Variants in PAH observed in about 807,000 individuals in gnomAD.
PAH encodes phenylalanine-4-hydroxylase.
In PAH, 64 loss-of-function variants were observed where a neutral mutation model predicts 62.0. The observed-to-expected ratio is 1.03, with a 90% CI of 0.84 to 1.27. PAH has a LOEUF of 1.27. Ranked by LOEUF, PAH falls within the 50% of genes most tolerant of loss-of-function variation. The probability of loss-of-function intolerance (pLI) is 0.00; values close to 1 mark genes in which losing one functional copy is unlikely to be tolerated. For synonymous variants in PAH, 195 were observed against 196.2 expected, an observed-to-expected ratio of 0.99 and a Z score of 0.05; for missense variants, 579 against 542.8, an observed-to-expected ratio of 1.07 and a Z score of -0.66.
In PAH at chr12:102,897,463, G is replaced by GTATA. The variant is rs1298377232; in HGVS notation, c.169-2546_169-2545insTATA. On this transcript the variant is annotated intron_variant, in intron 2 of 12. Transcript: ENST00000553106. ...AACTCTCATATATATGTGTGTGTGT[G>GTATA]TGTATATATATATATATATATATAT... Among the ~76,000 whole-genome samples, 456 of 105,532 alleles carry GTATA rather than the reference G, an allele frequency of 4.3e-3. 2 individuals carry two copies. The highest frequency in any genetic ancestry group is 0.015 in the African/African-American group (419 of 28,528). The allele number at this position is 105,532 out of a possible 152,430, so 69.2% of individuals were successfully genotyped here.
intron 1 of PAH, among the ~76,000 whole-genome samples, chr12:102,933,335 C>T (rs1878985717): frequency 6.6e-6 from 1 of 152,120 alleles, no homozygotes; most frequent in South Asian, 2.1e-4. Flanking sequence ...GAATAGTACT[C>T]CATTGTGTAT....
chr12:102,955,029 C>T (rs990131220), upstream of PAH, among the ~76,000 whole-genome samples: 2 of 152,140 alleles, frequency 1.3e-5, no homozygotes, highest in African/African-American at 2.4e-5. Context: ...TCAGGGCTGG[C>T]ATAGGGAGAA....
chr12:102,917,530 C>G, upstream of PAH: 1 of 308,934 alleles, frequency 3.2e-6, no homozygotes, highest in Non-Finnish European at 6.3e-6. Context: ...AGCGAGTTCT[C>G]TGCAATTGGA....
At chr12:102,882,270 G>C (rs1160946452) in intron 3 of PAH, among the ~76,000 whole-genome samples, 3 of 152,164 alleles carry the variant, frequency 2.0e-5, no homozygotes, top group Non-Finnish European at 4.4e-5. Context: ...CCCTAGTCCA[G>C]AGTTGGTTTC....
intron 1 of PAH, among the ~76,000 whole-genome samples, chr12:102,927,343 C>G (rs1179135723): frequency 6.6e-6 from 1 of 150,632 alleles, no homozygotes; most frequent in Non-Finnish European, 1.5e-5. Flanking sequence ...CTTCCTTGGC[C>G]CAGATACTGC....
rs570948618 is a variant in PAH at position 102,947,858 on chromosome 12, CTG to C, written c.-96+2729_-96+2730del. On this transcript the variant is annotated intron_variant, in intron 1 of 3. Coordinates refer to the PAH transcript ENST00000546844. ...AGTCCCAAGATCTGCAGTTGACAAA[CTG>C]TGGACCCAGACTACAGTTCCAGTAT... is the stretch of plus-strand genomic sequence containing the variant. 5.1e-4 allele frequency among the ~76,000 whole-genome samples: 78 copies of C among 152,296 alleles called. 2 individuals carry two copies. The highest frequency in any genetic ancestry group is 1.8e-3 in the African/African-American group (73 of 41,560).
At chr12:102,913,187 A>G (rs927929912) in intron 1 of PAH, among the ~76,000 whole-genome samples, 2 of 152,220 alleles carry the variant, frequency 1.3e-5, no homozygotes, top group African/African-American at 4.8e-5. Context: ...TTATTGAGCA[A>G]CTACTAGGTT....
intron 3 of PAH, among the ~76,000 whole-genome samples, chr12:102,891,358 G>C (rs1054180086): frequency 1.3e-5 from 2 of 152,076 alleles, no homozygotes; most frequent in African/African-American, 4.8e-5. Context: ...TTTGCCTTAA[G>C]GCAAGTCACA....
At chr12:102,894,972 C>CA (rs1877442575) in intron 2 of PAH, 54 bp from the exon 3 acceptor site, 2 of 1,310,824 alleles carry the variant, frequency 1.5e-6, no homozygotes, top group Non-Finnish European at 2.2e-6. Flanking sequence ...TAACGCAGGC[C>CA]AAAGATGCAG....
At chr12:102,928,407 T>C (rs1324979667) in intron 1 of PAH, among the ~76,000 whole-genome samples, 2 of 152,164 alleles carry the variant, frequency 1.3e-5, no homozygotes, top group South Asian at 2.1e-4. Flanking sequence ...TGAGATATTG[T>C]AGTCTTCTGG....
chr12:102,854,012 GT>G (rs946027972), intron 6 of PAH, among the ~76,000 whole-genome samples: 1 of 152,150 alleles, frequency 6.6e-6, no homozygotes, highest in Non-Finnish European at 1.5e-5. Flanking sequence ...TAGTATTACT[GT>G]TTTATTATTC....
intron 4 of PAH, among the ~76,000 whole-genome samples, chr12:102,871,761 A>G (rs945143121): frequency 2.6e-5 from 4 of 151,882 alleles, no homozygotes; most frequent in African/African-American, 9.7e-5. Flanking sequence ...TGTCTCTGCT[A>G]AAAATACAAA....
At chr12:102,923,275 C>G (rs779561317) in intron 1 of PAH, among the ~76,000 whole-genome samples, 43 of 152,182 alleles carry the variant, frequency 2.8e-4, no homozygotes, top group Non-Finnish European at 4.9e-4. Context: ...AAGCTCAGCT[C>G]CTCCTTCACA....
chr12:102,922,703 C>T (rs1407478115), intron 1 of PAH, among the ~76,000 whole-genome samples: 1 of 152,104 alleles, frequency 6.6e-6, no homozygotes, highest in East Asian at 1.9e-4. Context: ...TAATGAAGAA[C>T]TTTGTATGTA....
In PAH at chr12:102,839,205, G is replaced by T. The variant is rs1285012083; in HGVS notation, c.1329C>A (p.Ile443=). Residue 443 remains isoleucine, a synonymous_variant, in exon 13 of 13, where the codon ATC becomes ATA. Coordinates refer to ENST00000553106, the MANE Select transcript of PAH (RefSeq NM_000277.3). ...TTATTTTCTGGAGGGCACTGCAAAG[G>T]ATTCCAATTTCACCTACAAAGAAAA... The part of the protein sequence containing the change: ...LADSINSEIG[I]LCSALQKIK 2 of 1,613,884 alleles carry T rather than the reference G, an allele frequency of 1.2e-6. No homozygotes were observed. The highest frequency in any genetic ancestry group is 1.7e-6 in the Non-Finnish European group (2 of 1,179,850).
chr12:102,944,157 G>A (rs569307938), intron 1 of PAH, among the ~76,000 whole-genome samples: 77 of 152,256 alleles, frequency 5.1e-4, no homozygotes, highest in Non-Finnish European at 9.6e-4. Flanking sequence ...TCCGTTGCAC[G>A]TTTTTTGTTT....
chr12:102,954,818 G>T (rs886300247), upstream of PAH, among the ~76,000 whole-genome samples: 3 of 152,210 alleles, frequency 2.0e-5, no homozygotes, highest in South Asian at 6.2e-4. Flanking sequence ...AATCCCCAAG[G>T]ATAGAAATGC....
At chr12:102,939,509 C>T (rs1466659740) in intron 1 of PAH, among the ~76,000 whole-genome samples, 4 of 152,200 alleles carry the variant, frequency 2.6e-5, no homozygotes, top group African/African-American at 9.7e-5. Flanking sequence ...ACCCCTCTGG[C>T]ACTACCACTG....
At chr12:102,867,920 C>CATATATAGATGT (rs1876063048) in intron 4 of PAH, among the ~76,000 whole-genome samples, 1 of 135,592 alleles carries the variant, frequency 7.4e-6, no homozygotes, top group African/African-American at 2.7e-5. Context: ...CATGTATATA[C>CATATATAGATGT]ATATATAGAT....
Sources: gnomAD v4.1 joint callset for allele counts (sites outside exome capture counted in the v4.1 genomes callset) on GRCh38, gnomAD v4.1.1 for gene constraint, MANE v1.5 for transcripts, NCBI Gene and HGNC (gene_info 2026-07-23, HGNC 2026-07-21) for gene names.